The following INPP5F variants were observed in gnomAD, a reference collection of about 807,000 sequenced individuals.
INPP5F encodes the protein inositol polyphosphate-5-phosphatase F.
In INPP5F, 97 loss-of-function variants were observed where a neutral mutation model predicts 137.2. That is an observed-to-expected ratio of 0.71 (90% CI 0.60 to 0.84). The LOEUF is 0.84. Among genes scored for constraint, INPP5F ranks in the 40% least tolerant of loss-of-function variants. The pLI is 0.00. For missense variants in INPP5F, 1,271 were observed against 1,371.9 expected (o/e 0.93, Z 1.16); for synonymous variants, 504 against 476.9 (o/e 1.06, Z -0.74).
At position 119,792,166 on chromosome 10, in the gene INPP5F, C is replaced by T. The variant is rs1414166430; in HGVS notation, c.622C>T (p.Arg208Ter). The stretch of plus-strand genomic sequence containing the variant: ...CCTGCACCTTTTCTAGGTTGATGAC[C>T]GATTTTTTTGGAATAAATACATGAT... Reference protein sequence around the residue: ...GRPLWQKVDDRFFWNKYMIQD... With the variant: ...GRPLWQKVDD Residue 208 changes from arginine (R) to a stop codon, truncating the protein, a stop_gained, in exon 6 of 20, where the codon CGA (arginine) becomes TGA (stop). Transcript: ENST00000650623. LOFTEE classifies it high-confidence loss of function. The T allele has an allele frequency of 2.5e-6, 4 of 1,613,838 alleles. No individual in the cohort carries two copies. Among genetic ancestry groups the T allele is most frequent in the South Asian group, 1.1e-5 (1 of 91,054 alleles).
intron 1 of INPP5F, among the ~76,000 whole-genome samples, chr10:119,726,605 C>A (rs1471183835): frequency 1.3e-5 from 2 of 152,350 alleles, no homozygotes; most frequent in South Asian, 2.1e-4. Context: ...TCCTTCCCAC[C>A]GCGTCACGCG....
rs115226297 is a variant in INPP5F at position 119,815,697 on chromosome 10, A to G, written c.1886+3742A>G. On this transcript the variant is annotated intron_variant, in intron 15 of 19. Coordinates refer to ENST00000650623, the MANE Select transcript of INPP5F (RefSeq NM_014937.4). ...CTAACCAGGACAGCAGGAGTGTCTGAGGGAATGACGTGTTAATTGTCAAGA... is the reference window on the plus strand; with the variant it reads ...CTAACCAGGACAGCAGGAGTGTCTGGGGGAATGACGTGTTAATTGTCAAGA... The G allele has an allele frequency of 1.6e-3, 415 of 266,788 alleles. 1 individual carries two copies. The highest frequency in any genetic ancestry group is 8.7e-3 in the African/African-American group (391 of 44,786). 16.5% of individuals were successfully genotyped at this position (266,788 alleles called of 1,614,324 possible).
chr10:119,740,619 T>C (rs1249109361), intron 1 of INPP5F, among the ~76,000 whole-genome samples: 1 of 152,194 alleles, frequency 6.6e-6, no homozygotes, highest in Non-Finnish European at 1.5e-5. Flanking sequence ...CTTGGCTCAC[T>C]GCAACCTCCG....
intron 1 of INPP5F, among the ~76,000 whole-genome samples, chr10:119,732,615 C>T (rs1848113648): frequency 6.6e-6 from 1 of 150,518 alleles, no homozygotes; most frequent in South Asian, 2.1e-4. Flanking sequence ...TTCTCTCTGC[C>T]TCAGCCTCCT....
chr10:119,792,272 A>C (rs1335452310), intron 6 of INPP5F, 59 bp downstream of exon 6: 6 of 1,211,598 alleles, frequency 5.0e-6, no homozygotes, highest in Non-Finnish European at 7.3e-6. Flanking sequence ...TTGTTTCTAA[A>C]ACGTCTGGTT....
intron 2 of INPP5F, among the ~76,000 whole-genome samples, chr10:119,767,107 GAAAAAAAAAAAAA>G (rs35875262): frequency 9.9e-5 from 4 of 40,540 alleles, no homozygotes; most frequent in Non-Finnish European, 1.2e-4. Flanking sequence ...TCTGTCTCCA[GAAAAAAAAAAAAA>G]AAAAAAAAAA....
chr10:119,781,603 C>T (rs370065432), intron 2 of INPP5F, 32 bp from the exon 3 acceptor site: 32 of 1,573,366 alleles, frequency 2.0e-5, no homozygotes, highest in African/African-American at 2.0e-4. Flanking sequence ...ACTCTAAAAA[C>T]GCCAGACTTT....
At chr10:119,814,370 G>C (rs556972949) in intron 15 of INPP5F, 1 of 152,276 alleles carries the variant, frequency 6.6e-6, no homozygotes, top group East Asian at 1.9e-4. Flanking sequence ...CTAGGTGACA[G>C]AGTGAGGCTC....
At chr10:119,819,445 T>A (rs1177348038) in intron 15 of INPP5F, 1 of 1,551,218 alleles carries the variant, frequency 6.4e-7, no homozygotes, top group East Asian at 2.3e-5. Flanking sequence ...AGGATGAAAG[T>A]AACACTGTAA....
intron 2 of INPP5F, among the ~76,000 whole-genome samples, chr10:119,764,094 ATC>A (rs1849084176): frequency 6.6e-6 from 1 of 152,136 alleles, no homozygotes; most frequent in African/African-American, 2.4e-5. Flanking sequence ...TCTACAGCTC[ATC>A]TCTCTTCTTT....
At chr10:119,809,708 G>C (rs1446211150) in intron 13 of INPP5F, among the ~76,000 whole-genome samples, 1 of 152,112 alleles carries the variant, frequency 6.6e-6, no homozygotes, top group Non-Finnish European at 1.5e-5. Context: ...CAACTCTAGG[G>C]AACTAGCCAC....
chr10:119,786,058 C>T (rs185709909), intron 3 of INPP5F, among the ~76,000 whole-genome samples: 21 of 152,300 alleles, frequency 1.4e-4, no homozygotes, highest in African/African-American at 4.1e-4. Flanking sequence ...TAGTTTCCAT[C>T]AGACACCTGT....
At chr10:119,804,067 C>G in intron 9 of INPP5F, 106 bp from the exon 10 acceptor site, 5 of 752,718 alleles carry the variant, frequency 6.6e-6, no homozygotes, top group Non-Finnish European at 1.0e-5. Context: ...ACACATAATT[C>G]CAAATTATTA....
At chr10:119,739,572 T>C (rs1199081348) in intron 1 of INPP5F, among the ~76,000 whole-genome samples, 4 of 152,188 alleles carry the variant, frequency 2.6e-5, no homozygotes, top group African/African-American at 9.6e-5. Flanking sequence ...AAACTGTAAA[T>C]AGCCATAGAA....
intron 13 of INPP5F, among the ~76,000 whole-genome samples, chr10:119,808,351 T>C (rs1207603065): frequency 6.6e-6 from 1 of 152,228 alleles, no homozygotes; most frequent in Non-Finnish European, 1.5e-5. Context: ...CAGAATTTTA[T>C]ATGAAATGGT....
chr10:119,738,041 A>T (rs1470073946), intron 1 of INPP5F, among the ~76,000 whole-genome samples: 1 of 152,230 alleles, frequency 6.6e-6, no homozygotes, highest in Non-Finnish European at 1.5e-5. Flanking sequence ...GCAGGCACAC[A>T]GTACTTAATC....
intron 1 of INPP5F, among the ~76,000 whole-genome samples, chr10:119,738,648 TACACAC>T (rs57713774): frequency 0.023 from 3,405 of 150,328 alleles, 69 homozygotes; most frequent in African/African-American, 0.065. Flanking sequence ...AGATTTTAAA[TACACAC>T]ACACACACAC....
At chr10:119,814,387 AAAATAAATAAATAAAT>A (rs532592746) in intron 15 of INPP5F, 3 of 151,934 alleles carry the variant, frequency 2.0e-5, no homozygotes, top group African/African-American at 7.3e-5. Context: ...GCTCCATCTC[AAAATAAATAAATAAAT>A]AAATAAATAA....
chr10:119,809,034 G>T (rs770684724), intron 13 of INPP5F, among the ~76,000 whole-genome samples: 2 of 152,144 alleles, frequency 1.3e-5, no homozygotes, highest in Non-Finnish European at 2.9e-5. Flanking sequence ...GACCAGCCTG[G>T]CCAACAAGGT....
Sources: allele counts gnomAD v4.1 joint callset (sites outside exome capture counted in the v4.1 genomes callset), GRCh38; gene constraint gnomAD v4.1.1; transcripts MANE v1.5; gene names NCBI Gene and HGNC (gene_info 2026-07-23, HGNC 2026-07-21).